Variants in ABCB1 observed in about 807,000 individuals in gnomAD.
ABCB1 encodes ATP binding cassette subfamily B member 1.
Under a neutral mutation model 142.0 loss-of-function variants are expected in ABCB1, and 69 were observed. The ratio of observed to expected loss-of-function variants is 0.49; its 90% CI spans 0.40 to 0.59. ABCB1 has a LOEUF of 0.59. Ranked by LOEUF, ABCB1 falls within the 20% of genes least tolerant of loss-of-function variation. The probability of loss-of-function intolerance (pLI) is 0.00; values close to 1 mark genes in which losing one functional copy is unlikely to be tolerated. For synonymous variants in ABCB1, 532 were observed against 539.2 expected (o/e 0.99, Z 0.18); for missense variants, 1,326 against 1,554.7 (o/e 0.85, Z 2.47).
chr7:87,679,114 A>G (rs1333442158), intron 1 of ABCB1, among the ~76,000 whole-genome samples: 1 of 121,770 alleles, frequency 8.2e-6, no homozygotes. Flanking sequence ...TTTTTTTGAG[A>G]CAGAGTCCCG....
chr7:87,536,473 A>G lies in ABCB1; in HGVS notation c.2466T>C (p.Ala822=). ...GALTTRLAND[A]AQVKGAIGSR... ...AGGCACGTACCCCTTTAACTTGAGC[A>G]GCATCATTGGCGAGCCTGGTAGTCA... Residue 822 remains alanine (A), a synonymous_variant, in exon 20 of 28, where the codon GCT becomes GCC. Coordinates refer to ENST00000622132, the MANE Select transcript of ABCB1 (RefSeq NM_001348946.2). 1.2e-6 allele frequency: 2 copies of G among 1,614,034 alleles called. No individual in the cohort carries two copies. Among genetic ancestry groups the G allele is most frequent in the Non-Finnish European group, 8.5e-7 (1 of 1,179,896 alleles).
intron 1 of ABCB1, chr7:87,628,984 G>A (rs1285434750): frequency 7.7e-7 from 1 of 1,303,086 alleles, no homozygotes. Context: ...GCCTCCCGCC[G>A]GGGCTGAGAG....
At chr7:87,651,892 G>A (rs1823611273) in intron 1 of ABCB1, among the ~76,000 whole-genome samples, 1 of 152,108 alleles carries the variant, frequency 6.6e-6, no homozygotes, top group South Asian at 2.1e-4. Flanking sequence ...AACGGGGTTT[G>A]TAAAATTGCT....
At chr7:87,567,860 C>T (rs951219180) in intron 5 of ABCB1, among the ~76,000 whole-genome samples, 4 of 151,830 alleles carry the variant, frequency 2.6e-5, no homozygotes, top group Admixed American at 2.6e-4. Context: ...TTTGGGAGGC[C>T]GAGGCAGACA....
chr7:87,658,824 G>A (rs900529784), intron 1 of ABCB1, among the ~76,000 whole-genome samples: 3 of 152,142 alleles, frequency 2.0e-5, no homozygotes, highest in African/African-American at 7.2e-5. Context: ...CTAAGGAAAT[G>A]TGTTGCCGGC....
At chr7:87,538,656 C>T (rs1816396268) in intron 19 of ABCB1, among the ~76,000 whole-genome samples, 2 of 152,166 alleles carry the variant, frequency 1.3e-5, no homozygotes, top group Non-Finnish European at 2.9e-5. Context: ...AACCAGGCTG[C>T]TCTGAGTTAC....
chr7:87,654,223 A>G (rs955649037), intron 1 of ABCB1, among the ~76,000 whole-genome samples: 2 of 152,044 alleles, frequency 1.3e-5, no homozygotes, highest in Non-Finnish European at 2.9e-5. Flanking sequence ...TCACAGAAAT[A>G]AAAAAGACAA....
At chr7:87,642,663 G>T (rs1822569714) in intron 1 of ABCB1, among the ~76,000 whole-genome samples, 1 of 151,630 alleles carries the variant, frequency 6.6e-6, no homozygotes. Context: ...GAAGTTCTAG[G>T]GTACATGTGC....
At chr7:87,665,287 A>G (rs1043997760) in intron 1 of ABCB1, among the ~76,000 whole-genome samples, 3 of 152,172 alleles carry the variant, frequency 2.0e-5, no homozygotes, top group Non-Finnish European at 2.9e-5. Flanking sequence ...ACATTTTTAT[A>G]TACTAAAAAT....
intron 1 of ABCB1, among the ~76,000 whole-genome samples, chr7:87,674,822 G>T (rs928130626): frequency 2.0e-5 from 3 of 152,130 alleles, no homozygotes; most frequent in Non-Finnish European, 2.9e-5. Flanking sequence ...GATCAGACTG[G>T]CTTTGTCCTA....
At chr7:87,710,593 A>T in intron 1 of ABCB1, 1 of 1,598,584 alleles carries the variant, frequency 6.3e-7, no homozygotes, top group Admixed American at 1.7e-5. Context: ...TCAGAGTAGC[A>T]CTCATGGAAA....
intron 3 of ABCB1, among the ~76,000 whole-genome samples, chr7:87,588,380 G>A (rs1818851740): frequency 6.6e-6 from 1 of 152,038 alleles, no homozygotes; most frequent in Non-Finnish European, 1.5e-5. Context: ...TCCCCTCTAG[G>A]TGTCCATGTG....
intron 1 of ABCB1, among the ~76,000 whole-genome samples, chr7:87,698,388 C>T (rs563197370): frequency 5.9e-5 from 9 of 152,118 alleles, no homozygotes; most frequent in Admixed American, 1.3e-4. Context: ...GCCACCGCAC[C>T]GGCTGCAAAA....
In ABCB1 at chr7:87,503,126, T is replaced by C. The variant is rs1368754411; in HGVS notation, c.*1117A>G. Reference sequence around the variant, plus strand: ...GTTGAAACTGTATACATTTTTCTCATGCATTTCTTCTTTGAGAATTACCTG... The same window carrying C: ...GTTGAAACTGTATACATTTTTCTCACGCATTTCTTCTTTGAGAATTACCTG... On this transcript the variant is annotated 3_prime_UTR_variant, in exon 28 of 28. Transcript: ENST00000622132. Among the ~76,000 whole-genome samples the C allele has an allele frequency of 6.6e-6, 1 of 152,104 alleles. No homozygotes were observed. The highest frequency in any genetic ancestry group is 1.9e-4 in the East Asian group (1 of 5,204).
At position 87,629,539 on chromosome 7, in the gene ABCB1, A is replaced by C. The variant is rs1820987919; in HGVS notation, c.-330-28461T>G. Among the ~76,000 whole-genome samples the C allele has an allele frequency of 2.0e-5, 3 of 152,164 alleles. No individual in the cohort carries two copies. In the South Asian group the frequency reaches 6.2e-4, roughly 31 times the overall value. ...GGACTGTGGAGGATACCTAGTCTTT[A>C]TGTCAATGATTTATTTTAAGGCCTG... On this transcript the variant is annotated intron_variant, in intron 1 of 28. Transcript: ENST00000265724.
intron 4 of ABCB1, among the ~76,000 whole-genome samples, chr7:87,570,772 CACACACACACTCAGACACATAT>C (rs1215143027): frequency 6.6e-6 from 1 of 152,172 alleles, no homozygotes; most frequent in Non-Finnish European, 1.5e-5. Context: ...CACAGACACA[CACACACACACTCAGACACATAT>C]ACACACACGA....
chr7:87,536,194 A>G (rs565016380), intron 20 of ABCB1, among the ~76,000 whole-genome samples: 1 of 152,318 alleles, frequency 6.6e-6, no homozygotes, highest in Non-Finnish European at 1.5e-5. Context: ...TCTCTTTTCT[A>G]AATAACTATT....
At chr7:87,571,411 C>T (rs1224222145) in intron 4 of ABCB1, among the ~76,000 whole-genome samples, 2 of 152,070 alleles carry the variant, frequency 1.3e-5, no homozygotes, top group East Asian at 1.9e-4. Flanking sequence ...GTTTAGCCAC[C>T]AGCAATGTAT....
intron 24 of ABCB1, 82 bp downstream of exon 24, chr7:87,516,427 T>C: frequency 3.2e-6 from 5 of 1,573,152 alleles, no homozygotes; most frequent in Non-Finnish European, 4.4e-6. Context: ...TATTTGAAAG[T>C]ACAAATTTTA....
Sources: gnomAD v4.1 joint callset for allele counts (sites outside exome capture counted in the v4.1 genomes callset) on GRCh38, gnomAD v4.1.1 for gene constraint, MANE v1.5 for transcripts, NCBI Gene and HGNC (gene_info 2026-07-23, HGNC 2026-07-21) for gene names.